GALNTL6: variants seen among roughly 807,000 people sequenced by gnomAD.
The protein encoded by GALNTL6 is polypeptide N-acetylgalactosaminyltransferase like 6.
In GALNTL6, 46 loss-of-function variants were observed where a neutral mutation model predicts 73.7. The ratio of observed to expected loss-of-function variants is 0.62; its 90% CI spans 0.49 to 0.80. The LOEUF (loss-of-function observed/expected upper bound fraction) is 0.80. Ranked by LOEUF, GALNTL6 falls within the 30% of genes least tolerant of loss-of-function variation. GALNTL6 has a pLI of 0.00. For synonymous variants in GALNTL6, 259 were observed against 263.7 expected (o/e 0.98, Z 0.17); for missense variants, 604 against 755.0 (o/e 0.80, Z 2.34).
intron 5 of GALNTL6, among the ~76,000 whole-genome samples, chr4:172,654,020 C>G (rs915721283): frequency 6.6e-5 from 10 of 152,192 alleles, no homozygotes; most frequent in African/African-American, 2.4e-4. Context: ...CACACATACT[C>G]TTTTCTCTCT....
intron 2 of GALNTL6, among the ~76,000 whole-genome samples, chr4:171,966,419 G>A (rs536042556): frequency 6.2e-4 from 94 of 152,238 alleles, no homozygotes; most frequent in African/African-American, 2.2e-3. Flanking sequence ...TTATAAATGG[G>A]CTTTGGCAAT....
At chr4:172,295,897 C>T (rs896100603) in intron 3 of GALNTL6, among the ~76,000 whole-genome samples, 3 of 151,838 alleles carry the variant, frequency 2.0e-5, no homozygotes, top group Non-Finnish European at 2.9e-5. Context: ...TGTATACACT[C>T]GTTATCAAAA....
At chr4:172,360,124 G>T (rs1280007353) in intron 5 of GALNTL6, among the ~76,000 whole-genome samples, 1 of 152,138 alleles carries the variant, frequency 6.6e-6, no homozygotes, top group East Asian at 1.9e-4. Context: ...TTGCAAAAAT[G>T]ATCTATGACT....
intron 5 of GALNTL6, among the ~76,000 whole-genome samples, chr4:172,605,361 C>A (rs1183122549): frequency 1.3e-5 from 2 of 152,064 alleles, no homozygotes; most frequent in African/African-American, 4.8e-5. Context: ...TGGTGATAAT[C>A]ATTTTGGGTT....
intron 5 of GALNTL6, among the ~76,000 whole-genome samples, chr4:172,463,947 C>A (rs991229555): frequency 9.2e-5 from 14 of 152,176 alleles, no homozygotes; most frequent in Admixed American, 6.5e-4. Context: ...TAGTTACTTT[C>A]TACGGATAAG....
chr4:172,767,226 T>C (rs1738454420), intron 5 of GALNTL6, among the ~76,000 whole-genome samples: 2 of 152,290 alleles, frequency 1.3e-5, no homozygotes, highest in South Asian at 4.1e-4. Context: ...GAAATGAGAA[T>C]ACAGTGGTAA....
At chr4:172,075,478 G>A (rs1731674503) in intron 2 of GALNTL6, among the ~76,000 whole-genome samples, 1 of 152,080 alleles carries the variant, frequency 6.6e-6, no homozygotes, top group South Asian at 2.1e-4. Context: ...GGGACTACAG[G>A]CGCCTGCCAC....
At chr4:172,089,434 T>C (rs1732135782) in intron 2 of GALNTL6, among the ~76,000 whole-genome samples, 2 of 152,262 alleles carry the variant, frequency 1.3e-5, no homozygotes, top group South Asian at 4.1e-4. Context: ...AGTCTATTTA[T>C]TACATGGGTG....
Position 171,881,647 on chromosome 4 carries a change from T to A in GALNTL6, c.138+66929T>A, listed in dbSNP as rs371612442. Among the ~76,000 whole-genome samples the A allele has an allele frequency of 5.9e-5, 9 of 152,322 alleles. No individual in the cohort carries two copies. In the East Asian group the frequency reaches 1.7e-3, roughly 29 times the overall value. ...CTGACACTCAGTATTAACCATCACA[T>A]GTATTAAGTGGATGCTTAAGGGATT... On this transcript the variant is annotated intron_variant, in intron 2 of 12. Transcript: ENST00000506823.
At chr4:171,911,761 G>A (rs1737482738) in intron 2 of GALNTL6, among the ~76,000 whole-genome samples, 2 of 151,692 alleles carry the variant, frequency 1.3e-5, no homozygotes, top group African/African-American at 4.8e-5. Flanking sequence ...AATAAATTGG[G>A]GCATCCTATT....
chr4:172,159,766 G>A (rs1734396115), intron 2 of GALNTL6, among the ~76,000 whole-genome samples: 1 of 152,146 alleles, frequency 6.6e-6, no homozygotes, highest in South Asian at 2.1e-4. Context: ...GGGTGGTAGG[G>A]AGGAAGTAAT....
intron 5 of GALNTL6, among the ~76,000 whole-genome samples, chr4:172,586,078 G>A (rs1737399372): frequency 1.3e-5 from 2 of 152,096 alleles, no homozygotes; most frequent in African/African-American, 2.4e-5. Flanking sequence ...AAATTAGTTC[G>A]ACCATTGTGA....
intron 5 of GALNTL6, among the ~76,000 whole-genome samples, chr4:172,575,994 T>G (rs969873207): frequency 2.0e-5 from 3 of 152,236 alleles, no homozygotes; most frequent in Non-Finnish European, 2.9e-5. Context: ...ATTTGTGGTC[T>G]GTACTTTCAG....
chr4:172,068,020 A>G lies in GALNTL6; in HGVS notation c.139-161636A>G, dbSNP rs535193137. Among the ~76,000 whole-genome samples the G allele has an allele frequency of 2.6e-5, 2 of 75,740 alleles. 1 individual carries two copies. Among genetic ancestry groups the G allele is most frequent in the African/African-American group, 9.4e-5 (2 of 21,376 alleles). The allele number at this position is 75,740 out of a possible 152,430, so 49.7% of individuals were successfully genotyped here. On this transcript the variant is annotated intron_variant, in intron 2 of 12. Transcript: ENST00000506823. ...ACCAAAGTTTATCTCCAACTCTGAC[A>G]TCTCTGGATCCAACAGGTTTTTGTT...
chr4:172,616,322 C>CT (rs1738728577), intron 5 of GALNTL6, among the ~76,000 whole-genome samples: 3 of 152,098 alleles, frequency 2.0e-5, no homozygotes, highest in African/African-American at 4.8e-5. Flanking sequence ...TATAACACCC[C>CT]TTTTTTTGTC....
At chr4:172,858,509 C>T (rs1375212201) in intron 7 of GALNTL6, among the ~76,000 whole-genome samples, 1 of 152,110 alleles carries the variant, frequency 6.6e-6, no homozygotes, top group Non-Finnish European at 1.5e-5. Flanking sequence ...ATGCAACTAA[C>T]AAGAGGTAGA....
intron 2 of GALNTL6, among the ~76,000 whole-genome samples, chr4:172,183,029 GA>G (rs1735303319): frequency 6.6e-6 from 1 of 152,124 alleles, no homozygotes; most frequent in Admixed American, 6.6e-5. Context: ...GCTGATAGAT[GA>G]AAACCTGATT....
At chr4:172,775,180 T>C (rs1739005420) in intron 5 of GALNTL6, among the ~76,000 whole-genome samples, 1 of 152,136 alleles carries the variant, frequency 6.6e-6, no homozygotes, top group African/African-American at 2.4e-5. Context: ...GTTGTACAAC[T>C]ATTATTGTTC....
At chr4:171,932,868 G>A (rs776566480) in intron 2 of GALNTL6, among the ~76,000 whole-genome samples, 8 of 152,096 alleles carry the variant, frequency 5.3e-5, no homozygotes, top group Non-Finnish European at 1.2e-4. Context: ...CCAGGGATCC[G>A]GAATGTGTAT....
Sources: gnomAD v4.1 joint callset for allele counts (sites outside exome capture counted in the v4.1 genomes callset) on GRCh38, gnomAD v4.1.1 for gene constraint, MANE v1.5 for transcripts, NCBI Gene and HGNC (gene_info 2026-07-23, HGNC 2026-07-21) for gene names.